The following GPRIN2 variants were observed in gnomAD, a reference collection of about 807,000 sequenced individuals.
GPRIN2 encodes G protein-regulated inducer of neurite outgrowth 2.
GPRIN2 carries 1 observed loss-of-function variant against 0.3 expected under a neutral mutation model. The ratio of observed to expected loss-of-function variants is 3.90; its 90% confidence interval spans 1.39 to 18.51. GPRIN2 has a LOEUF of 18.51. GPRIN2 is among the 30% of genes most tolerant of loss of function. The pLI, the probability that GPRIN2 is intolerant of heterozygous loss-of-function variation, is 0.11. For synonymous variants in GPRIN2, 361 were observed against 258.6 expected (o/e 1.40, Z -3.80); for missense variants, 880 against 604.2 (o/e 1.46, Z -4.79).
At chr10:46,555,767 G>A (rs1843131811) in intron 1 of GPRIN2, among the ~76,000 whole-genome samples, 2 of 152,304 alleles carry the variant, frequency 1.3e-5, no homozygotes, top group South Asian at 4.1e-4. Context: ...GGTGGAGAGG[G>A]TGCCCCGGCC....
At position 46,545,712 on chromosome 10, in the gene GPRIN2, G is replaced by A. The variant is rs1842094224; in HGVS notation, c.*3648C>T. 6.6e-6 allele frequency among the ~76,000 whole-genome samples: 1 copy of A among 152,312 alleles called. No individual in the cohort carries two copies. Among genetic ancestry groups the A allele is most frequent in the Non-Finnish European group, 1.5e-5 (1 of 68,058 alleles). Reference sequence around the variant, plus strand: ...CACAGCCAAGCTGGCAGGGTAAGAGGTGGCCCCTGAATGTGGCTATGAGAG... The same window carrying A: ...CACAGCCAAGCTGGCAGGGTAAGAGATGGCCCCTGAATGTGGCTATGAGAG... On this transcript the variant is annotated 3_prime_UTR_variant, in exon 3 of 3. Transcript: ENST00000374314.
chr10:46,551,006 G>A (rs901987462), intron 2 of GPRIN2, among the ~76,000 whole-genome samples: 1 of 152,308 alleles, frequency 6.6e-6, no homozygotes, highest in Non-Finnish European at 1.5e-5. Context: ...CCTAGGGTGG[G>A]GTCCTGGAGG....
At chr10:46,555,101 G>A (rs1843030203) in intron 1 of GPRIN2, among the ~76,000 whole-genome samples, 1 of 152,308 alleles carries the variant, frequency 6.6e-6, no homozygotes, top group South Asian at 2.1e-4. Context: ...GTGCACCTCG[G>A]CGCCCAGCTA....
rs1228780959 is a variant in GPRIN2, at chr10:46,546,488, C to T, written c.*2872G>A. ...CTGGGGTCTGGCAAAGCTCTCACCTCCAAATTTGTATCTGTTTTGAATTCA... is the reference window on the plus strand; with the variant it reads ...CTGGGGTCTGGCAAAGCTCTCACCTTCAAATTTGTATCTGTTTTGAATTCA... On this transcript the variant is annotated 3_prime_UTR_variant, in exon 3 of 3. Transcript: ENST00000374314. Among the ~76,000 whole-genome samples the T allele has an allele frequency of 6.6e-6, 1 of 152,312 alleles. No individual in the cohort carries two copies. The highest frequency in any genetic ancestry group is 6.5e-5 in the Admixed American group (1 of 15,294).
chr10:46,547,416 T>C lies in GPRIN2; in HGVS notation c.*1944A>G, dbSNP rs1588956111. ...CTCATTTACATCAGGATCTTCACAA[T>C]GGGGACCCCTGGTCACCTCCCAACC... On this transcript the variant is annotated 3_prime_UTR_variant, in exon 3 of 3. Coordinates refer to ENST00000374314, the MANE Select transcript of GPRIN2 (RefSeq NM_001385282.1). Among the ~76,000 whole-genome samples the C allele has an allele frequency of 6.6e-6, 1 of 152,302 alleles. No individual in the cohort carries two copies. The highest frequency in any genetic ancestry group is 6.5e-5 in the Admixed American group (1 of 15,290).
chr10:46,553,257 A>G (rs1832057253), intron 2 of GPRIN2, among the ~76,000 whole-genome samples: 1 of 152,430 alleles, frequency 6.6e-6, no homozygotes, highest in East Asian at 1.9e-4. Context: ...GGCCCTGCCA[A>G]TCGTGCTCAT....
Position 46,547,850 on chromosome 10 carries a change from T to C in GPRIN2, c.*1510A>G, listed in dbSNP as rs1842308834. On this transcript the variant is annotated 3_prime_UTR_variant, in exon 3 of 3. Coordinates refer to ENST00000374314, the MANE Select transcript of GPRIN2 (RefSeq NM_001385282.1). ...AAGGCATGTTTACGGGTGAGAATGGTCCATCGTTGGGCTTCAGGAGGCATC... is the reference window on the plus strand; with the variant it reads ...AAGGCATGTTTACGGGTGAGAATGGCCCATCGTTGGGCTTCAGGAGGCATC... Among the ~76,000 whole-genome samples, 1 of 152,308 alleles carries C rather than the reference T, an allele frequency of 6.6e-6. No homozygotes were observed. The highest frequency in any genetic ancestry group is 6.5e-5 in the Admixed American group (1 of 15,294).
chr10:46,550,389 A>T lies in GPRIN2; in HGVS notation c.348T>A (p.Ala116=). ...LCRLRAPSAA[A]MQRSHSDLVR... ...CCAGGTCTGAATGGCTCCTCTGCAT[A>T]GCAGCAGCACTAGGGGCCCGCAGGC... is the stretch of plus-strand genomic sequence containing the variant. Residue 116 remains alanine (A), a synonymous_variant, in exon 3 of 3, where the codon GCT becomes GCA. Coordinates refer to ENST00000374314, the MANE Select transcript of GPRIN2 (RefSeq NM_001385282.1). 6.2e-7 allele frequency: 1 copy of T among 1,612,134 alleles called. No homozygotes were observed. Among genetic ancestry groups the T allele is most frequent in the South Asian group, 1.1e-5 (1 of 90,988 alleles).
rs1255163462 is a variant in GPRIN2 at position 46,542,350 on chromosome 10, C to T, written c.*7010G>A. On this transcript the variant is annotated 3_prime_UTR_variant, in exon 3 of 3. Transcript: ENST00000374314. Reference sequence around the variant, plus strand: ...CAAAATCTCATCTTGAATTGTAATCCCTATAATCCCCATGTGACAAGGGAG... The same window carrying T: ...CAAAATCTCATCTTGAATTGTAATCTCTATAATCCCCATGTGACAAGGGAG... Among the ~76,000 whole-genome samples, 1 of 152,310 alleles carries T rather than the reference C, an allele frequency of 6.6e-6. No homozygotes were observed. Among genetic ancestry groups the T allele is most frequent in the Non-Finnish European group, 1.5e-5 (1 of 68,058 alleles).
Position 46,542,891 on chromosome 10 carries a change from C to G in GPRIN2, c.*6469G>C, listed in dbSNP as rs1050101837. ...GGATGAGGAGATGGCCTGCCTAAAG[C>G]CAGCAGATGGGTGCCACCCACCTGA... On this transcript the variant is annotated 3_prime_UTR_variant, in exon 3 of 3. Coordinates refer to ENST00000374314, the MANE Select transcript of GPRIN2 (RefSeq NM_001385282.1). Among the ~76,000 whole-genome samples, 2 of 152,306 alleles carry G rather than the reference C, an allele frequency of 1.3e-5. No individual in the cohort carries two copies. Among genetic ancestry groups the G allele is most frequent in the Non-Finnish European group, 2.9e-5 (2 of 68,056 alleles).
chr10:46,550,852 C>A, intron 2 of GPRIN2, 110 bp from the exon 3 acceptor site: 1 of 1,243,278 alleles, frequency 8.0e-7, no homozygotes, highest in Non-Finnish European at 1.1e-6. Context: ...CACCTTCAGT[C>A]CCAGCCTGCC....
rs1217973356 is a variant in GPRIN2 at position 46,549,196 on chromosome 10, C to T, written c.*164G>A. ...AGAAAACAGCCCAGCTGTGTAGGGC[C>T]GGAAGCCCCAGGCTGCAGTCCTGTG... is the stretch of plus-strand genomic sequence containing the variant. On this transcript the variant is annotated 3_prime_UTR_variant, in exon 3 of 3. Transcript: ENST00000374314. 56 of 920,772 alleles carry T rather than the reference C, an allele frequency of 6.1e-5. No individual in the cohort carries two copies. Among genetic ancestry groups the T allele is most frequent in the Middle Eastern group, 3.6e-4 (1 of 2,782 alleles). The allele number at this position is 920,772 out of a possible 1,614,324, so 57.0% of individuals were successfully genotyped here.
rs1180320505 is a variant in GPRIN2, at chr10:46,542,153, G to A, written c.*7207C>T. ...CTGCTAAAAATGAGAAGTGAACAGA[G>A]AGAAGGCCAGGCAGAAGGCTGCAGG... On this transcript the variant is annotated 3_prime_UTR_variant, in exon 3 of 3. Transcript: ENST00000374314. Among the ~76,000 whole-genome samples, 2 of 152,310 alleles carry A rather than the reference G, an allele frequency of 1.3e-5. No individual in the cohort carries two copies. Among genetic ancestry groups the A allele is most frequent in the Non-Finnish European group, 2.9e-5 (2 of 68,056 alleles).
intron 2 of GPRIN2, 74 bp from the exon 3 acceptor site, chr10:46,550,816 C>T (rs1224103209): frequency 5.5e-6 from 8 of 1,459,120 alleles, no homozygotes; most frequent in Non-Finnish European, 7.3e-6. Flanking sequence ...CTATGAACTC[C>T]CACAGTGCTA....
At position 46,542,085 on chromosome 10, in the gene GPRIN2, T is replaced by G. The variant is rs1841808444; in HGVS notation, c.*7275A>C. ...GGGCTTACAAAAGCCACAAAGCTTG[T>G]GTACAAAATGACACCCTTGGCCACC... On this transcript the variant is annotated 3_prime_UTR_variant, in exon 3 of 3. Coordinates refer to ENST00000374314, the MANE Select transcript of GPRIN2 (RefSeq NM_001385282.1). 6.6e-6 allele frequency among the ~76,000 whole-genome samples: 1 copy of G among 152,308 alleles called. No individual in the cohort carries two copies. Among genetic ancestry groups the G allele is most frequent in the Non-Finnish European group, 1.5e-5 (1 of 68,058 alleles).
In GPRIN2 at chr10:46,548,373, CCCCTCCATTCCTG is replaced by C. The variant is rs1842361946; in HGVS notation, c.*974_*986del. Among the ~76,000 whole-genome samples the C allele has an allele frequency of 6.6e-6, 1 of 152,306 alleles. No individual in the cohort carries two copies. The highest frequency in any genetic ancestry group is 1.5e-5 in the Non-Finnish European group (1 of 68,054). On this transcript the variant is annotated 3_prime_UTR_variant, in exon 3 of 3. Transcript: ENST00000374314. The stretch of plus-strand genomic sequence containing the variant: ...GGCCAGGGCAAACTCCTGCCCTGTC[CCCCTCCATTCCTG>C]CCCTCCCTCCTTCCACAAACTGCAC...
intron 1 of GPRIN2, among the ~76,000 whole-genome samples, chr10:46,555,842 T>C (rs1434428936): frequency 6.6e-6 from 1 of 152,310 alleles, no homozygotes; most frequent in Non-Finnish European, 1.5e-5. Flanking sequence ...TGCCCCAGCC[T>C]GGGACACACA....
chr10:46,552,763 C>T (rs1842756321), intron 2 of GPRIN2, among the ~76,000 whole-genome samples: 1 of 152,308 alleles, frequency 6.6e-6, no homozygotes, highest in African/African-American at 2.4e-5. Flanking sequence ...CCACATGAGG[C>T]TAATGGCTAC....
intron 2 of GPRIN2, among the ~76,000 whole-genome samples, chr10:46,553,728 G>A (rs1842863583): frequency 2.0e-5 from 3 of 152,422 alleles, no homozygotes; most frequent in East Asian, 3.9e-4. Context: ...CCCTCCACAA[G>A]TGGCAGGTGA....
Sources: allele counts gnomAD v4.1 joint callset (sites outside exome capture counted in the v4.1 genomes callset), GRCh38; gene constraint gnomAD v4.1.1; transcripts MANE v1.5; gene names NCBI Gene and HGNC (gene_info 2026-07-23, HGNC 2026-07-21).